Variants in PAH observed in about 807,000 individuals in gnomAD.
The protein encoded by PAH is phenylalanine hydroxylase, also known as phenylalanine-4-hydroxylase.
PAH carries 64 observed loss-of-function variants against 62.0 expected under a neutral mutation model. That is an observed-to-expected ratio of 1.03 (90% CI 0.84 to 1.27). The LOEUF is 1.27. Among genes scored for constraint, PAH ranks in the 50% most tolerant of loss-of-function variants. The pLI, the probability that PAH is intolerant of heterozygous loss-of-function variation, is 0.00. For synonymous variants in PAH, 195 were observed against 196.2 expected, an observed-to-expected ratio of 0.99 and a Z score of 0.05; for missense variants, 579 against 542.8, an observed-to-expected ratio of 1.07 and a Z score of -0.66.
upstream of PAH, among the ~76,000 whole-genome samples, chr12:102,954,244 G>T (rs560393101): frequency 6.6e-6 from 1 of 152,144 alleles, no homozygotes; most frequent in Non-Finnish European, 1.5e-5. Flanking sequence ...ATCTTAATAT[G>T]CCAGTATCAC....
chr12:102,893,983 C>T (rs936952221), intron 3 of PAH, among the ~76,000 whole-genome samples: 6 of 152,094 alleles, frequency 3.9e-5, no homozygotes, highest in African/African-American at 1.4e-4. Context: ...TGGAAAATGA[C>T]AATGAAAGCC....
intron 1 of PAH, among the ~76,000 whole-genome samples, chr12:102,933,435 T>C (rs1008550341): frequency 3.3e-5 from 5 of 152,164 alleles, no homozygotes; most frequent in Non-Finnish European, 7.4e-5. Context: ...GCAATAAACA[T>C]GGGCATGCAG....
upstream of PAH, chr12:102,953,303 T>C (rs769655900): frequency 3.3e-5 from 5 of 152,208 alleles, no homozygotes; most frequent in Middle Eastern, 3.2e-3. Flanking sequence ...GTTAAAAATA[T>C]AACTTTATTA....
chr12:102,928,542 C>T (rs1878752304), intron 1 of PAH, among the ~76,000 whole-genome samples: 3 of 152,110 alleles, frequency 2.0e-5, no homozygotes, highest in Non-Finnish European at 4.4e-5. Context: ...ACACCCCTAT[C>T]CACTTAGAGA....
chr12:102,908,837 C>CTT (rs3062641), intron 2 of PAH, among the ~76,000 whole-genome samples: 4,877 of 119,808 alleles, frequency 0.041, 158 homozygotes, highest in Admixed American at 0.07. Context: ...CCTCATGTCT[C>CTT]TTTTTTTTTT....
chr12:102,950,803 G>T (rs1162071539), exon 1 of PAH: 1 of 152,216 alleles, frequency 6.6e-6, no homozygotes, highest in Non-Finnish European at 1.5e-5. Context: ...GACCCTTGGT[G>T]CGTTCCACCC....
At chr12:102,917,325 C>A, upstream of PAH, 2 of 625,034 alleles carry the variant, frequency 3.2e-6, no homozygotes, top group Admixed American at 2.3e-5. Flanking sequence ...GAGGCCAGGG[C>A]AGCCTGCCGG....
chr12:102,859,857 A>G (rs1875637622), intron 5 of PAH, among the ~76,000 whole-genome samples: 1 of 152,218 alleles, frequency 6.6e-6, no homozygotes, highest in Non-Finnish European at 1.5e-5. Context: ...ACAAACCCAC[A>G]GCCAATATCA....
chr12:102,899,577 C>T (rs889759973), intron 2 of PAH, among the ~76,000 whole-genome samples: 4 of 152,024 alleles, frequency 2.6e-5, no homozygotes, highest in African/African-American at 7.2e-5. Context: ...AAGTGAGTAA[C>T]GGCCGGGCGC....
At chr12:102,895,869 A>AATATATAT (rs1555208128) in intron 2 of PAH, among the ~76,000 whole-genome samples, 30 of 118,702 alleles carry the variant, frequency 2.5e-4, no homozygotes, top group African/African-American at 8.2e-4. Flanking sequence ...AAAAAAAAAA[A>AATATATAT]ATATATATAT....
chr12:102,866,128 G>C (rs1330211458), intron 5 of PAH, among the ~76,000 whole-genome samples: 1 of 151,360 alleles, frequency 6.6e-6, no homozygotes, highest in East Asian at 1.9e-4. Context: ...AGCTGGGTCA[G>C]ACCAGATAAA....
intron 6 of PAH, chr12:102,853,244 T>C: frequency 2.4e-6 from 1 of 410,646 alleles, no homozygotes; most frequent in South Asian, 2.3e-5. Context: ...GCACAGAGCC[T>C]AGCACATTGG....
upstream of PAH, among the ~76,000 whole-genome samples, chr12:102,919,971 G>C (rs1174413792): frequency 1.3e-5 from 2 of 152,086 alleles, no homozygotes; most frequent in South Asian, 4.2e-4. Context: ...CCAGCAGTGG[G>C]ATCACTAGAT....
At chr12:102,910,499 T>C (rs1357812869) in intron 2 of PAH, among the ~76,000 whole-genome samples, 1 of 151,804 alleles carries the variant, frequency 6.6e-6, no homozygotes, top group African/African-American at 2.4e-5. Flanking sequence ...GCCTCCCAAA[T>C]AGGTGGGACT....
chr12:102,943,959 C>T (rs1045627477), intron 1 of PAH, among the ~76,000 whole-genome samples: 4 of 152,124 alleles, frequency 2.6e-5, no homozygotes, highest in South Asian at 2.1e-4. Context: ...ACAAAATAAT[C>T]GGTACACCAA....
At chr12:102,952,439 G>T (rs1232936551), upstream of PAH, among the ~76,000 whole-genome samples, 3 of 152,080 alleles carry the variant, frequency 2.0e-5, no homozygotes, top group East Asian at 5.8e-4. Flanking sequence ...GGGAAGGAAA[G>T]CCATGTGCCT....
rs1249813599 is a variant in PAH, at chr12:102,866,577, A to G, written c.509+19T>C. The stretch of plus-strand genomic sequence containing the variant: ...GGTGTGTTTTTCTCTCTTCCCCTCA[A>G]CAAGCAAGGCAGACTTACTGGCGGT... On this transcript the variant is annotated intron_variant, in intron 5 of 12. Transcript: ENST00000553106. 1 of 1,607,074 alleles carries G rather than the reference A, an allele frequency of 6.2e-7. No individual in the cohort carries two copies. Among genetic ancestry groups the G allele is most frequent in the South Asian group, 1.1e-5 (1 of 90,948 alleles).
At chr12:102,868,126 GTATATATATATA>G (rs1182277046) in intron 4 of PAH, among the ~76,000 whole-genome samples, 353 of 6,446 alleles carry the variant, frequency 0.055, 58 homozygotes, top group African/African-American at 0.098. Context: ...ACATATATGT[GTATATATATATA>G]TATATATATA....
At chr12:102,881,633 C>T (rs753514983) in intron 3 of PAH, among the ~76,000 whole-genome samples, 1 of 152,154 alleles carries the variant, frequency 6.6e-6, no homozygotes, top group Admixed American at 6.5e-5. Context: ...CACCCTACCC[C>T]CTGGCAACCA....
Sources: allele counts gnomAD v4.1 joint callset (sites outside exome capture counted in the v4.1 genomes callset), GRCh38; gene constraint gnomAD v4.1.1; transcripts MANE v1.5; gene names NCBI Gene and HGNC (gene_info 2026-07-23, HGNC 2026-07-21).